PTK2: variants seen among roughly 807,000 people sequenced by gnomAD.
The protein encoded by PTK2 is protein tyrosine kinase 2.
A neutral mutation model predicts 150.1 loss-of-function variants in PTK2; 45 were observed. That is an observed-to-expected ratio of 0.30 (90% CI 0.24 to 0.38). PTK2 has a LOEUF of 0.38. PTK2 is among the 10% of genes least tolerant of loss of function. The probability of loss-of-function intolerance (pLI) is 1.00; values close to 1 mark genes in which losing one functional copy is unlikely to be tolerated. For synonymous variants in PTK2, 432 were observed against 449.2 expected, an observed-to-expected ratio of 0.96 and a Z score of 0.48; for missense variants, 919 against 1,307.3, an observed-to-expected ratio of 0.70 and a Z score of 4.58.
At chr8:140,863,394 G>A (rs6984066) in intron 5 of PTK2, among the ~76,000 whole-genome samples, 5,901 of 152,026 alleles carry the variant, frequency 0.039, 259 homozygotes, top group African/African-American at 0.11. Context: ...TTCTGGTTAC[G>A]GCATTTGCTA....
At chr8:140,810,234 G>C (rs1193441830) in intron 10 of PTK2, among the ~76,000 whole-genome samples, 2 of 152,258 alleles carry the variant, frequency 1.3e-5, no homozygotes, top group African/African-American at 4.8e-5. Context: ...GCCAGCTGAG[G>C]TGGAGCCCAG....
chr8:140,683,987 A>G (rs1564309943), intron 27 of PTK2, among the ~76,000 whole-genome samples: 1 of 152,216 alleles, frequency 6.6e-6, no homozygotes, highest in Non-Finnish European at 1.5e-5. Context: ...TCTATTCAAC[A>G]TTAGTGCTGG....
intron 14 of PTK2, chr8:140,765,071 T>C (rs2100071594): frequency 6.6e-6 from 1 of 152,216 alleles, no homozygotes; most frequent in Admixed American, 6.5e-5. Flanking sequence ...TGGTAACACC[T>C]ATACTGAAAA....
intron 10 of PTK2, among the ~76,000 whole-genome samples, chr8:140,804,734 A>G (rs1387268769): frequency 1.3e-5 from 2 of 152,196 alleles, no homozygotes; most frequent in Non-Finnish European, 2.9e-5. Context: ...AATTGTTCAG[A>G]AAGAGGTTCA....
intron 27 of PTK2, among the ~76,000 whole-genome samples, chr8:140,683,368 TCAA>T (rs1023446713): frequency 2.6e-5 from 4 of 152,058 alleles, no homozygotes; most frequent in African/African-American, 9.7e-5. Context: ...AGATAGCCTA[TCAA>T]CCACCAAAAG....
intron 1 of PTK2, among the ~76,000 whole-genome samples, chr8:140,951,909 AT>A (rs1555447255): frequency 2.8e-5 from 4 of 145,406 alleles, no homozygotes; most frequent in African/African-American, 1.0e-4. Flanking sequence ...AAAAAAAAAA[AT>A]TTTTTTTTTT....
At chr8:140,960,712 T>G (rs571781677) in intron 1 of PTK2, among the ~76,000 whole-genome samples, 2 of 152,172 alleles carry the variant, frequency 1.3e-5, no homozygotes, top group African/African-American at 2.4e-5. Context: ...CTGGGCGCGG[T>G]GGCTCACTCT....
intron 4 of PTK2, chr8:140,879,243 C>T: frequency 5.0e-6 from 2 of 397,928 alleles, no homozygotes; most frequent in Non-Finnish European, 8.6e-6. Context: ...AAGACCATCA[C>T]AGAAAACGGA....
intron 2 of PTK2, among the ~76,000 whole-genome samples, chr8:140,905,298 C>A (rs1213334510): frequency 6.6e-6 from 1 of 151,986 alleles, no homozygotes; most frequent in Admixed American, 6.6e-5. Flanking sequence ...TGCAAAGACA[C>A]ACACAGGCTC....
exon 21 of PTK2, chr8:140,739,064 T>G: frequency 6.3e-7 from 1 of 1,578,908 alleles, no homozygotes; most frequent in Non-Finnish European, 8.6e-7. Flanking sequence ...GAAAATTGAT[T>G]GACTCTGGAG....
rs900225817 is a variant in PTK2, at chr8:140,850,679, G to A, written c.451-4001C>T. 2.6e-5 allele frequency among the ~76,000 whole-genome samples: 4 copies of A among 151,462 alleles called. No homozygotes were observed. In the East Asian group the frequency reaches 5.9e-4, roughly 22 times the overall value. ...CGGGAGGCGGAGCTTGCAGTGAGCC[G>A]TGATCGTGTCACTGCACTCCAGCCT... On this transcript the variant is annotated intron_variant, in intron 5 of 31. Coordinates refer to ENST00000522684, the Ensembl canonical transcript of PTK2.
At chr8:140,748,506 A>AG (rs1554881634) in intron 17 of PTK2, among the ~76,000 whole-genome samples, 2 of 151,324 alleles carry the variant, frequency 1.3e-5, no homozygotes, top group African/African-American at 4.9e-5. Context: ...CAAAAAAAAA[A>AG]AAAAAAAAAA....
At chr8:140,768,788 C>A (rs149371822) in intron 14 of PTK2, among the ~76,000 whole-genome samples, 1 of 152,166 alleles carries the variant, frequency 6.6e-6, no homozygotes, top group East Asian at 1.9e-4. Flanking sequence ...AATCTCTGAC[C>A]TCAAATCCTG....
At chr8:140,759,530 T>TAAAAAAAAAAAAAAAAAAAAAAA (rs761643170) in intron 16 of PTK2, among the ~76,000 whole-genome samples, 1 of 58,062 alleles carries the variant, frequency 1.7e-5, no homozygotes, top group African/African-American at 7.9e-5. Context: ...GACCCTGTCC[T>TAAAAAAAAAAAAAAAAAAAAAAA]AAAAAAAAAA....
intron 4 of PTK2, among the ~76,000 whole-genome samples, chr8:140,877,649 A>G (rs1025025958): frequency 6.6e-6 from 1 of 151,974 alleles, no homozygotes; most frequent in Non-Finnish European, 1.5e-5. Context: ...CAAGGCATCA[A>G]TGTCATCATC....
intron 24 of PTK2, 145 bp from the exon 28 acceptor site, chr8:140,702,852 G>A: frequency 7.5e-6 from 7 of 933,354 alleles, no homozygotes; most frequent in Non-Finnish European, 9.3e-6. Flanking sequence ...CTAATCCCTT[G>A]AACATGTGAA....
chr8:140,778,497 G>GCTGCCTGCCT (rs1450148231), intron 14 of PTK2, among the ~76,000 whole-genome samples: 1 of 152,200 alleles, frequency 6.6e-6, no homozygotes, highest in Non-Finnish European at 1.5e-5. Flanking sequence ...CATCTATTGT[G>GCTGCCTGCCT]AGATCAAGGC....
intron 1 of PTK2, among the ~76,000 whole-genome samples, chr8:140,961,525 G>C (rs1011404167): frequency 1.3e-5 from 2 of 152,062 alleles, no homozygotes; most frequent in African/African-American, 4.8e-5. Context: ...AGCCGGGCGT[G>C]GTGGCGGGCA....
At chr8:140,770,722 A>G in intron 14 of PTK2, 2 of 1,340,368 alleles carry the variant, frequency 1.5e-6, no homozygotes, top group Non-Finnish European at 2.0e-6. Context: ...GTACCCGTAG[A>G]AGGAGGATCA....
Sources: gnomAD v4.1 joint callset for allele counts (sites outside exome capture counted in the v4.1 genomes callset) on GRCh38, gnomAD v4.1.1 for gene constraint, MANE v1.5 for transcripts, NCBI Gene and HGNC (gene_info 2026-07-23, HGNC 2026-07-21) for gene names.